The following TCP11L2 variants were observed in gnomAD, a reference collection of about 807,000 sequenced individuals.
TCP11L2 encodes the protein T-complex protein 11-like protein 2.
A neutral mutation model predicts 50.7 loss-of-function variants in TCP11L2; 39 were observed. The observed-to-expected ratio is 0.77, with a 90% CI of 0.60 to 1.01. The LOEUF is 1.01. Among genes scored for constraint, TCP11L2 ranks in the 50% least tolerant of loss-of-function variants. TCP11L2 has a pLI of 0.00. For missense variants in TCP11L2, 612 were observed against 614.7 expected (o/e 1.00, Z 0.05); for synonymous variants, 192 against 219.3 (o/e 0.88, Z 1.10).
At chr12:106,308,650 T>C (rs1592926923) in intron 1 of TCP11L2, among the ~76,000 whole-genome samples, 1 of 152,082 alleles carries the variant, frequency 6.6e-6, no homozygotes, top group Non-Finnish European at 1.5e-5. Flanking sequence ...TGACTTAAAG[T>C]GGAAACAAAC....
intron 9 of TCP11L2, among the ~76,000 whole-genome samples, chr12:106,343,865 G>A (rs1190482872): frequency 6.6e-6 from 1 of 151,584 alleles, no homozygotes; most frequent in Non-Finnish European, 1.5e-5. Flanking sequence ...CACCATATTG[G>A]CCAGGCTGGT....
chr12:106,336,914 T>G (rs1385221458), intron 8 of TCP11L2, among the ~76,000 whole-genome samples: 1 of 152,228 alleles, frequency 6.6e-6, no homozygotes, highest in East Asian at 1.9e-4. Flanking sequence ...TGCTACGAAG[T>G]CTTCAGAAGT....
At chr12:106,302,731 C>A (rs1409514423), upstream of TCP11L2, 2 of 152,528 alleles carry the variant, frequency 1.3e-5, no homozygotes, top group African/African-American at 4.8e-5. Flanking sequence ...CCCCCGCTAT[C>A]CGGTTTTGTG....
intron 1 of TCP11L2, among the ~76,000 whole-genome samples, chr12:106,307,906 A>G (rs2034696477): frequency 6.6e-6 from 1 of 152,242 alleles, no homozygotes. Context: ...TGTATTGGGT[A>G]CCTGAAATCT....
At chr12:106,319,596 T>G (rs2035263150) in intron 4 of TCP11L2, among the ~76,000 whole-genome samples, 1 of 152,202 alleles carries the variant, frequency 6.6e-6, no homozygotes, top group Admixed American at 6.5e-5. Flanking sequence ...ACTTACAGGG[T>G]AGTCATAAGA....
At chr12:106,300,476 C>T (rs971579191), upstream of TCP11L2, among the ~76,000 whole-genome samples, 17 of 152,220 alleles carry the variant, frequency 1.1e-4, no homozygotes, top group African/African-American at 3.9e-4. Context: ...ATTACAGGTG[C>T]GTGCCACCAC....
intron 4 of TCP11L2, among the ~76,000 whole-genome samples, chr12:106,321,012 A>G (rs2035315051): frequency 6.6e-6 from 1 of 152,086 alleles, no homozygotes. Flanking sequence ...CATTTATCTC[A>G]GTGTTTAATA....
chr12:106,332,264 A>T (rs2035773164), intron 6 of TCP11L2, among the ~76,000 whole-genome samples: 1 of 152,258 alleles, frequency 6.6e-6, no homozygotes, highest in Admixed American at 6.5e-5. Flanking sequence ...GCAGTTTCTT[A>T]TTAAACGCAG....
intron 1 of TCP11L2, among the ~76,000 whole-genome samples, chr12:106,305,814 ACAG>A (rs2034606271): frequency 6.6e-6 from 1 of 152,202 alleles, no homozygotes; most frequent in African/African-American, 2.4e-5. Flanking sequence ...GGGGCAGAGA[ACAG>A]CAGGTATGAG....
intron 6 of TCP11L2, chr12:106,330,159 G>T: frequency 1.0e-6 from 1 of 985,400 alleles, no homozygotes; most frequent in African/African-American, 1.7e-5. Flanking sequence ...AGTGAATTTT[G>T]TCCTAAGGCA....
rs1313540003 is a variant in TCP11L2, at chr12:106,311,381, C to T, written c.157+149C>T. 13 of 863,334 alleles carry T rather than the reference C, an allele frequency of 1.5e-5. 1 individual carries two copies. Among genetic ancestry groups the T allele is most frequent in the South Asian group, 1.0e-4 (5 of 49,578 alleles). 53.5% of individuals were successfully genotyped at this position (863,334 alleles called of 1,614,324 possible). ...GCACTGCAGAGGCACTGCAGCTTTC[C>T]GGGACACATTCTCAGAAATAGCCAC... On this transcript the variant is annotated intron_variant, in intron 2 of 9. Transcript: ENST00000299045.
intron 1 of TCP11L2, among the ~76,000 whole-genome samples, chr12:106,310,177 T>A (rs1246157305): frequency 6.6e-6 from 1 of 152,214 alleles, no homozygotes; most frequent in Non-Finnish European, 1.5e-5. Flanking sequence ...AGGATTCTCA[T>A]GTCCCAGAAA....
intron 6 of TCP11L2, among the ~76,000 whole-genome samples, chr12:106,331,728 G>A (rs944176834): frequency 1.3e-5 from 2 of 152,320 alleles, no homozygotes; most frequent in East Asian, 1.9e-4. Flanking sequence ...AGGCCAGACC[G>A]AAGTTGAGAC....
At chr12:106,304,644 G>C (rs963544421) in intron 1 of TCP11L2, among the ~76,000 whole-genome samples, 3 of 152,120 alleles carry the variant, frequency 2.0e-5, no homozygotes, top group South Asian at 4.1e-4. Flanking sequence ...AGCTGACCTC[G>C]ATCTAGTGTT....
chr12:106,325,650 T>C (rs539001697), intron 6 of TCP11L2: 332 of 152,138 alleles, frequency 2.2e-3, no homozygotes, highest in Non-Finnish European at 2.8e-3. Flanking sequence ...CCTAGCACTT[T>C]GGGAGGCCGA....
chr12:106,331,559 A>G (rs2035747626), intron 6 of TCP11L2, among the ~76,000 whole-genome samples: 1 of 152,192 alleles, frequency 6.6e-6, no homozygotes, highest in Admixed American at 6.5e-5. Context: ...CTTAGGGGAC[A>G]TTTCCTTTGT....
chr12:106,321,424 GT>G, intron 4 of TCP11L2, 61 bp from the exon 5 acceptor site: 1 of 1,421,488 alleles, frequency 7.0e-7, no homozygotes, highest in Admixed American at 2.0e-5. Flanking sequence ...AGACACTGAG[GT>G]GAAAAGTGAC....
At chr12:106,315,975 G>A (rs1214104618) in intron 3 of TCP11L2, among the ~76,000 whole-genome samples, 1 of 152,242 alleles carries the variant, frequency 6.6e-6, no homozygotes, top group Non-Finnish European at 1.5e-5. Context: ...AGCAGGAAAA[G>A]TAAAGGAAGT....
chr12:106,340,359 G>A (rs1378884667), intron 8 of TCP11L2, among the ~76,000 whole-genome samples: 1 of 152,146 alleles, frequency 6.6e-6, no homozygotes, highest in African/African-American at 2.4e-5. Flanking sequence ...CTAGGTATTT[G>A]ACCTCTGAAT....
Sources: allele counts gnomAD v4.1 joint callset (sites outside exome capture counted in the v4.1 genomes callset), GRCh38; gene constraint gnomAD v4.1.1; transcripts MANE v1.5; gene names NCBI Gene and HGNC (gene_info 2026-07-23, HGNC 2026-07-21).